Variants in RIF1 observed in about 807,000 individuals in gnomAD.
RIF1 encodes the protein replication timing regulatory factor 1.
RIF1 carries 45 observed loss-of-function variants against 247.1 expected under a neutral mutation model. The ratio of observed to expected loss-of-function variants is 0.18; its 90% confidence interval spans 0.14 to 0.23. The LOEUF is 0.23. RIF1 is among the 10% of genes least tolerant of loss of function. RIF1 has a pLI of 1.00. For missense variants in RIF1, 2,967 were observed against 2,862.5 expected (o/e 1.04, Z -0.83); for synonymous variants, 1,087 against 978.8 (o/e 1.11, Z -2.06).
At chr2:151,418,743 G>A (rs902917358) in intron 6 of RIF1, among the ~76,000 whole-genome samples, 5 of 151,870 alleles carry the variant, frequency 3.3e-5, no homozygotes, top group African/African-American at 7.2e-5. Flanking sequence ...GCGTGGTGAC[G>A]CGTGCCTGTA....
intron 25 of RIF1, 88 bp from the exon 26 acceptor site, chr2:151,459,912 T>C: frequency 9.2e-7 from 1 of 1,082,304 alleles, no homozygotes; most frequent in Non-Finnish European, 1.3e-6. Context: ...TTGCAATTAC[T>C]ATTTATTAGG....
intron 3 of RIF1, among the ~76,000 whole-genome samples, chr2:151,414,144 C>G (rs972281854): frequency 6.6e-6 from 1 of 152,064 alleles, no homozygotes; most frequent in South Asian, 2.1e-4. Context: ...GAAACCCCAT[C>G]TCTACAAAAA....
intron 26 of RIF1, among the ~76,000 whole-genome samples, chr2:151,460,521 T>A (rs1695966655): frequency 1.3e-5 from 1 of 78,226 alleles, no homozygotes; most frequent in African/African-American, 3.8e-5. Flanking sequence ...ATAAGACACC[T>A]ATGTTCTTAT....
intron 21 of RIF1, among the ~76,000 whole-genome samples, chr2:151,453,579 C>CA (rs59661470): frequency 0.11 from 7,883 of 70,970 alleles, 624 homozygotes; most frequent in African/African-American, 0.23. Context: ...GACTCTGTCT[C>CA]AAAAAAAAAA....
downstream of RIF1, among the ~76,000 whole-genome samples, chr2:151,508,946 C>T (rs751332969): frequency 3.3e-5 from 5 of 152,196 alleles, no homozygotes; most frequent in African/African-American, 7.2e-5. Flanking sequence ...CTTTCATCAT[C>T]GCTTGTCACT....
intron 9 of RIF1, among the ~76,000 whole-genome samples, chr2:151,490,989 C>T (rs2056053054): frequency 6.6e-6 from 1 of 151,936 alleles, no homozygotes; most frequent in South Asian, 2.1e-4. Flanking sequence ...GTGTCTTGAT[C>T]AGAAAACTGG....
intron 11 of RIF1, among the ~76,000 whole-genome samples, chr2:151,500,096 T>TA (rs1284410271): frequency 4.6e-5 from 7 of 152,096 alleles, no homozygotes; most frequent in Admixed American, 2.0e-4. Flanking sequence ...GAATAATAAT[T>TA]ACAACCCACA....
At chr2:151,524,206 C>T in the RIF1 span, 1 of 951,876 alleles carries the variant, frequency 1.1e-6, no homozygotes, top group East Asian at 2.5e-5. Flanking sequence ...AGTACTATTA[C>T]AGACCCAGCA....
chr2:151,497,999 T>G (rs369514902), intron 10 of RIF1: 12 of 1,434,958 alleles, frequency 8.4e-6, no homozygotes, highest in East Asian at 5.0e-5. Flanking sequence ...ACATGAGGAT[T>G]TGAGACTGTT....
intron 12 of RIF1, chr2:151,503,232 AAC>A (rs1454504654): frequency 1.3e-5 from 10 of 765,660 alleles, no homozygotes; most frequent in East Asian, 7.9e-5. Context: ...AATAATACAC[AAC>A]ACACACAGAC....
At chr2:151,444,651 A>G (rs894822758) in intron 18 of RIF1, among the ~76,000 whole-genome samples, 3 of 152,166 alleles carry the variant, frequency 2.0e-5, no homozygotes, top group African/African-American at 2.4e-5. Flanking sequence ...CTAGCACACT[A>G]TTCTTCTGGA....
intron 35 of RIF1, among the ~76,000 whole-genome samples, chr2:151,474,633 G>A (rs1013559034): frequency 1.3e-5 from 2 of 152,068 alleles, no homozygotes; most frequent in Admixed American, 6.6e-5. Flanking sequence ...CTGAGATTAC[G>A]CCACTGCACT....
chr2:151,526,093 T>C, the RIF1 span: 1 of 1,612,336 alleles, frequency 6.2e-7, no homozygotes, highest in South Asian at 1.1e-5. Flanking sequence ...AGAGAGCTCA[T>C]TAAGGCATCT....
downstream of RIF1, among the ~76,000 whole-genome samples, chr2:151,510,829 AG>A (rs2073662754): frequency 6.6e-6 from 1 of 152,214 alleles, no homozygotes; most frequent in East Asian, 1.9e-4. Flanking sequence ...ACTACTGTAT[AG>A]TATCCTAAAT....
At chr2:151,447,045 G>A (rs955689244) in intron 20 of RIF1, among the ~76,000 whole-genome samples, 22 of 150,140 alleles carry the variant, frequency 1.5e-4, no homozygotes, top group Non-Finnish European at 2.4e-4. Flanking sequence ...CCGGGTTCAC[G>A]CCATTCTCCT....
rs1485500934 is a variant in RIF1 at position 151,479,046 on chromosome 2, TC to T, written c.*3976del. On this transcript the variant is annotated 3_prime_UTR_variant, in exon 36 of 36. Coordinates refer to ENST00000444746, the MANE Select transcript of RIF1 (RefSeq NM_018151.5). Reference sequence around the variant, plus strand: ...TGCATATGAACAAGTGGATTCTGATTCAGTAGATCTGCATTGGGCCCCGTGA... The same window carrying T: ...TGCATATGAACAAGTGGATTCTGATTAGTAGATCTGCATTGGGCCCCGTGA... 1 of 152,172 alleles carries T rather than the reference TC, an allele frequency of 6.6e-6. No homozygotes were observed. Among genetic ancestry groups the T allele is most frequent in the Non-Finnish European group, 1.5e-5 (1 of 68,040 alleles). 9.4% of individuals were successfully genotyped at this position (152,172 alleles called of 1,614,324 possible). A position where few individuals can be genotyped will look rare whatever the true frequency, so the allele number is the denominator to read the frequency against.
intron 30 of RIF1, among the ~76,000 whole-genome samples, chr2:151,466,529 G>A (rs1232582506): frequency 1.3e-5 from 2 of 151,696 alleles, no homozygotes; most frequent in Non-Finnish European, 2.9e-5. Context: ...TTACATACAT[G>A]TTCCAGACCA....
intron 32 of RIF1, 22 bp downstream of exon 32, chr2:151,468,573 A>C (rs771630132): frequency 1.0e-5 from 16 of 1,605,454 alleles, no homozygotes; most frequent in Non-Finnish European, 1.4e-5. Flanking sequence ...TTTAGTTTTC[A>C]TGTCACTTTA....
chr2:151,458,862 G>A lies in RIF1; in HGVS notation c.2907G>A (p.Leu969=), dbSNP rs147868788. ...KQKFLLLLPG[L]ETVEMMEESS... is the part of the protein sequence containing the mutation. ...AATTTCTGCTCCTGTTGCCTGGTTT[G>A]GAAACTGTTGAAATGATGGAGGAAT... The change falls in exon 25 of 36, where the codon TTG becomes TTA. Residue 969 remains leucine (L), a synonymous_variant. Transcript: ENST00000444746. The A allele has an allele frequency of 1.9e-6, 3 of 1,613,098 alleles. No individual in the cohort carries two copies. The highest frequency in any genetic ancestry group is 1.3e-5 in the African/African-American group (1 of 74,870).
Sources: allele counts gnomAD v4.1 joint callset (sites outside exome capture counted in the v4.1 genomes callset), GRCh38; gene constraint gnomAD v4.1.1; transcripts MANE v1.5; gene names NCBI Gene and HGNC (gene_info 2026-07-23, HGNC 2026-07-21).